BMERB1: variants seen among roughly 807,000 people sequenced by gnomAD.
BMERB1 encodes the protein bMERB domain containing 1.
Under a neutral mutation model 23.6 loss-of-function variants are expected in BMERB1, and 12 were observed. The observed-to-expected ratio is 0.51, with a 90% confidence interval of 0.33 to 0.82. The LOEUF (loss-of-function observed/expected upper bound fraction) is 0.82, where lower values mean the gene tolerates loss of function less well. Among genes scored for constraint, BMERB1 ranks in the 40% least tolerant of loss-of-function variants. The pLI, the probability that BMERB1 is intolerant of heterozygous loss-of-function variation, is 0.03. For missense variants in BMERB1, 247 were observed against 255.4 expected, an observed-to-expected ratio of 0.97 and a Z score of 0.22; for synonymous variants, 122 against 96.6, an observed-to-expected ratio of 1.26 and a Z score of -1.54.
At position 15,573,815 on chromosome 16, in the gene BMERB1, C is replaced by T. The variant is rs190219239; in HGVS notation, c.304+5759C>T. Among the ~76,000 whole-genome samples the T allele has an allele frequency of 3.8e-3, 571 of 150,034 alleles. 2 individuals are homozygous for T. Among genetic ancestry groups the T allele is most frequent in the Non-Finnish European group, 5.9e-3 (401 of 67,666 alleles). ...AAAGAGGTTTCATTGACTCACAGTT[C>T]GGCATAGCTGGGGAAGCCTCAGGAA... On this transcript the variant is annotated intron_variant, in intron 3 of 5. Transcript: ENST00000300006.
At chr16:15,481,829 A>ACT (rs2051323091) in intron 1 of BMERB1, among the ~76,000 whole-genome samples, 1 of 150,030 alleles carries the variant, frequency 6.7e-6, no homozygotes, top group South Asian at 2.1e-4. Flanking sequence ...GGTTCAAGCA[A>ACT]CTCTCCTACC....
chr16:15,533,751 CAA>C (rs779371426), intron 2 of BMERB1, among the ~76,000 whole-genome samples: 1 of 152,132 alleles, frequency 6.6e-6, no homozygotes, highest in African/African-American at 2.4e-5. Context: ...TCAAGAATAA[CAA>C]GAGAGACAGT....
chr16:15,490,473 G>A (rs545303591), intron 1 of BMERB1, among the ~76,000 whole-genome samples: 2 of 152,182 alleles, frequency 1.3e-5, no homozygotes, highest in East Asian at 1.9e-4. Flanking sequence ...TGTAGAGATG[G>A]GGTCTTGCTA....
chr16:15,437,855 G>A (rs1452195751), intron 1 of BMERB1, among the ~76,000 whole-genome samples: 1 of 151,968 alleles, frequency 6.6e-6, no homozygotes, highest in Non-Finnish European at 1.5e-5. Context: ...CTGCCGGGGA[G>A]GCTGACACAG....
chr16:15,468,693 G>A (rs940968730), intron 1 of BMERB1, among the ~76,000 whole-genome samples: 1 of 152,074 alleles, frequency 6.6e-6, no homozygotes, highest in East Asian at 1.9e-4. Context: ...TAATTTTGAT[G>A]AGGTCTAATT....
intron 1 of BMERB1, among the ~76,000 whole-genome samples, chr16:15,451,733 A>ATTTTTT (rs71152429): frequency 1.6e-4 from 12 of 77,410 alleles, no homozygotes; most frequent in African/African-American, 4.2e-4. Context: ...TAGCTAACTA[A>ATTTTTT]TTTTTTTTTT....
In BMERB1 at chr16:15,527,616, T is replaced by TA. The variant is rs200416187; in HGVS notation, c.230+12198dup. Among the ~76,000 whole-genome samples the TA allele has an allele frequency of 3.1e-3, 452 of 146,470 alleles. 3 individuals are homozygous for TA. Among genetic ancestry groups the TA allele is most frequent in the African/African-American group, 0.01 (406 of 39,996 alleles). ...TGAGAATCCGTCTCAAAAAATAAAATAAAAAAAAAAGAAGTGGAATCACAC... is the reference window on the plus strand; with the variant it reads ...TGAGAATCCGTCTCAAAAAATAAAATAAAAAAAAAAAGAAGTGGAATCACAC... On this transcript the variant is annotated intron_variant, in intron 2 of 5. Coordinates refer to ENST00000300006, the MANE Select transcript of BMERB1 (RefSeq NM_033201.3).
chr16:15,542,629 G>A (rs2052097325), intron 2 of BMERB1, among the ~76,000 whole-genome samples: 1 of 148,430 alleles, frequency 6.7e-6, no homozygotes, highest in Non-Finnish European at 1.5e-5. Context: ...TACCTCCTAG[G>A]GATTTTTTTT....
chr16:15,522,129 T>C (rs1198910953), intron 2 of BMERB1, among the ~76,000 whole-genome samples: 3 of 152,212 alleles, frequency 2.0e-5, no homozygotes, highest in Non-Finnish European at 2.9e-5. Context: ...TGTGGTTATC[T>C]TCCTTTTACA....
In BMERB1 at chr16:15,488,976, C is replaced by T. The variant is rs141992105; in HGVS notation, c.107-26329C>T. On this transcript the variant is annotated intron_variant, in intron 1 of 5. Coordinates refer to ENST00000300006, the MANE Select transcript of BMERB1 (RefSeq NM_033201.3). The stretch of plus-strand genomic sequence containing the variant: ...TCTAGGGGTGGTTGAGGCAGGAGTC[C>T]AAAGTCTATCTGTTTATCCCTCAGC... Among the ~76,000 whole-genome samples, 534 of 151,412 alleles carry T rather than the reference C, an allele frequency of 3.5e-3. 5 individuals carry two copies. The highest frequency in any genetic ancestry group is 0.012 in the African/African-American group (506 of 41,192).
rs149867484 is a variant in BMERB1 at position 15,461,515 on chromosome 16, C to T, written c.106+26756C>T. Reference sequence around the variant, plus strand: ...ACAGTGCTAAGAGCCCGGAATAAAACGGGCAAAACCAACCTAGCCATTGTC... The same window carrying T: ...ACAGTGCTAAGAGCCCGGAATAAAATGGGCAAAACCAACCTAGCCATTGTC... On this transcript the variant is annotated intron_variant, in intron 1 of 5. Transcript: ENST00000300006. 3.0e-4 allele frequency among the ~76,000 whole-genome samples: 46 copies of T among 152,178 alleles called. No individual in the cohort carries two copies. The East Asian group carries it at 5.2e-3, about 17-fold the overall frequency.
chr16:15,577,692 CCCTT>C (rs1284284556), intron 3 of BMERB1, among the ~76,000 whole-genome samples: 3 of 152,196 alleles, frequency 2.0e-5, no homozygotes, highest in Non-Finnish European at 4.4e-5. Context: ...TGTCTCTCCT[CCCTT>C]CATTTTCCCT....
At chr16:15,584,140 C>T (rs370603131) in intron 5 of BMERB1, 4 of 688,950 alleles carry the variant, frequency 5.8e-6, no homozygotes, top group African/African-American at 3.5e-5. Context: ...TGGAGAGTCC[C>T]AGTGTCCATT....
intron 1 of BMERB1, among the ~76,000 whole-genome samples, chr16:15,498,267 T>G (rs1454322475): frequency 2.6e-5 from 4 of 152,244 alleles, no homozygotes; most frequent in African/African-American, 9.6e-5. Context: ...CTGTGTGCAG[T>G]GGCTCATGCT....
chr16:15,584,872 C>G (rs147174358), intron 5 of BMERB1, among the ~76,000 whole-genome samples: 192 of 152,302 alleles, frequency 1.3e-3, no homozygotes, highest in African/African-American at 4.5e-3. Flanking sequence ...CTCACCCGCC[C>G]TTCTGGGATT....
intron 1 of BMERB1, among the ~76,000 whole-genome samples, chr16:15,440,770 T>G (rs1218153661): frequency 6.6e-6 from 1 of 152,128 alleles, no homozygotes; most frequent in African/African-American, 2.4e-5. Flanking sequence ...AGTCTTGAGA[T>G]TTCTCGACAA....
intron 2 of BMERB1, among the ~76,000 whole-genome samples, chr16:15,559,500 C>A (rs1258809588): frequency 6.6e-6 from 1 of 152,200 alleles, no homozygotes; most frequent in African/African-American, 2.4e-5. Flanking sequence ...TGTTGCTTAA[C>A]CTCCATGTAC....
intron 2 of BMERB1, among the ~76,000 whole-genome samples, chr16:15,561,467 C>T (rs1207272804): frequency 6.6e-6 from 1 of 151,894 alleles, no homozygotes; most frequent in East Asian, 2.0e-4. Context: ...AAGGGTCTCA[C>T]CACGTTGGCC....
intron 2 of BMERB1, among the ~76,000 whole-genome samples, chr16:15,520,477 CT>C (rs147757819): frequency 0.15 from 16,750 of 109,296 alleles, 829 homozygotes; most frequent in Non-Finnish European, 0.19. Flanking sequence ...CATAGATGTT[CT>C]TTTTTTTTTT....
Sources: gnomAD v4.1 joint callset for allele counts (sites outside exome capture counted in the v4.1 genomes callset) on GRCh38, gnomAD v4.1.1 for gene constraint, MANE v1.5 for transcripts, NCBI Gene and HGNC (gene_info 2026-07-23, HGNC 2026-07-21) for gene names.